LDLRAD3: variants seen among roughly 807,000 people sequenced by gnomAD.
The protein encoded by LDLRAD3 is low density lipoprotein receptor class A domain containing 3.
Under a neutral mutation model 29.4 loss-of-function variants are expected in LDLRAD3, and 20 were observed. That is an observed-to-expected ratio of 0.68 (90% CI 0.48 to 0.99). The LOEUF (loss-of-function observed/expected upper bound fraction) is 0.99. Among genes scored for constraint, LDLRAD3 ranks in the 50% least tolerant of loss-of-function variants. The pLI, the probability that LDLRAD3 is intolerant of heterozygous loss-of-function variation, is 0.00. For missense variants in LDLRAD3, 420 were observed against 454.3 expected, an observed-to-expected ratio of 0.92 and a Z score of 0.69; for synonymous variants, 157 against 192.7, an observed-to-expected ratio of 0.81 and a Z score of 1.53.
At position 36,149,661 on chromosome 11, in the gene LDLRAD3, C is replaced by T. The variant is rs557661658; in HGVS notation, c.454+51200C>T. On this transcript the variant is annotated intron_variant, in intron 4 of 5. Coordinates refer to ENST00000315571, the MANE Select transcript of LDLRAD3 (RefSeq NM_174902.4). ...GGTGGCCAGGGTCTGTGGCTCCCAG[C>T]GCTGTAGTGTCCTGCCACGTTTGTC... is the stretch of plus-strand genomic sequence containing the variant. Among the ~76,000 whole-genome samples the T allele has an allele frequency of 9.9e-5, 15 of 152,234 alleles. No individual in the cohort carries two copies. In the East Asian group the frequency reaches 2.5e-3, roughly 25 times the overall value.
chr11:35,967,686 T>G, intron 1 of LDLRAD3: 1 of 471,092 alleles, frequency 2.1e-6, no homozygotes, highest in Non-Finnish European at 4.2e-6. Context: ...CAAGGTTTCA[T>G]GTCCGGGTGC....
Position 35,944,204 on chromosome 11 carries a change from CA to C in LDLRAD3, c.46+61del. ...GGCGCGGGGCGCGGGGCGCGGGGCG[CA>C]GCGGCCGGGTGCGATCGCGTCCTCT... is the stretch of plus-strand genomic sequence containing the variant. On this transcript the variant is annotated intron_variant, in intron 1 of 5. Coordinates refer to ENST00000315571, the MANE Select transcript of LDLRAD3 (RefSeq NM_174902.4). The surrounding 1 kb of genome is among the most constrained non-coding windows in gnomAD (Gnocchi z 4.9). The C allele has an allele frequency of 2.0e-5, 19 of 948,014 alleles. No individual in the cohort carries two copies. The highest frequency in any genetic ancestry group is 4.7e-5 in the South Asian group (1 of 21,308). 58.7% of individuals were successfully genotyped at this position (948,014 alleles called of 1,614,324 possible).
intron 1 of LDLRAD3, among the ~76,000 whole-genome samples, chr11:35,954,761 A>C (rs1236855138): frequency 6.6e-6 from 1 of 152,174 alleles, no homozygotes; most frequent in Non-Finnish European, 1.5e-5. Flanking sequence ...GGCCTTTGAG[A>C]GGGCAATGTA....
chr11:36,155,819 C>T (rs10836509), intron 4 of LDLRAD3, among the ~76,000 whole-genome samples: 28,580 of 152,054 alleles, frequency 0.19, 2,960 homozygotes, highest in East Asian at 0.3. Flanking sequence ...GAGTGGGATG[C>T]GCCTATCTAG....
At chr11:35,989,744 CA>C (rs1184179975) in intron 1 of LDLRAD3, among the ~76,000 whole-genome samples, 4 of 152,106 alleles carry the variant, frequency 2.6e-5, no homozygotes, top group Non-Finnish European at 5.9e-5. Flanking sequence ...GATTTTTGTA[CA>C]TTGATTTTGT....
At chr11:36,144,893 G>A (rs1854154905) in intron 4 of LDLRAD3, among the ~76,000 whole-genome samples, 1 of 114,122 alleles carries the variant, frequency 8.8e-6, no homozygotes, top group African/African-American at 3.2e-5. Flanking sequence ...CCCCGTCCGG[G>A]AGGTGAGGGG....
At chr11:36,069,704 G>A (rs1484694787) in intron 2 of LDLRAD3, among the ~76,000 whole-genome samples, 4 of 151,266 alleles carry the variant, frequency 2.6e-5, no homozygotes, top group Non-Finnish European at 5.9e-5. Context: ...TGTTCATACT[G>A]ACCTCCTTTC....
chr11:36,159,432 G>T lies in LDLRAD3; in HGVS notation c.454+60971G>T, dbSNP rs545083242. On this transcript the variant is annotated intron_variant, in intron 4 of 5. Transcript: ENST00000315571. ...TGCGGTGAGCCGTGAGCACGCCACT[G>T]GACTCCAGCCTGAGCAACAGAGTCA... 4.6e-4 allele frequency among the ~76,000 whole-genome samples: 70 copies of T among 151,724 alleles called. 1 individual carries two copies. The highest frequency in any genetic ancestry group is 6.8e-3 in the Middle Eastern group (2 of 292).
At position 36,161,070 on chromosome 11, in the gene LDLRAD3, C is replaced by T. The variant is rs1485105706; in HGVS notation, c.454+62609C>T. ...TCAGCCTCCCAAAGTGCTGGGATTA[C>T]AGGCGTGAGCCACCGCGCCTGGCCA... On this transcript the variant is annotated intron_variant, in intron 4 of 5. Coordinates refer to ENST00000315571, the MANE Select transcript of LDLRAD3 (RefSeq NM_174902.4). Among the ~76,000 whole-genome samples, 4 of 152,214 alleles carry T rather than the reference C, an allele frequency of 2.6e-5. No homozygotes were observed. In the East Asian group the frequency reaches 7.7e-4, roughly 29 times the overall value.
chr11:36,023,513 C>T (rs1338622668), intron 1 of LDLRAD3, among the ~76,000 whole-genome samples: 1 of 152,162 alleles, frequency 6.6e-6, no homozygotes, highest in Non-Finnish European at 1.5e-5. Flanking sequence ...GGGTTTTAGT[C>T]TCTCTCTATT....
At chr11:35,999,769 G>A (rs1424280573) in intron 1 of LDLRAD3, among the ~76,000 whole-genome samples, 1 of 152,206 alleles carries the variant, frequency 6.6e-6, no homozygotes, top group East Asian at 1.9e-4. Context: ...GCCCCCTGTG[G>A]TGCTGTCAGC....
rs139663436 is a variant in LDLRAD3, at chr11:36,044,108, A to G, written c.193+7859A>G. On this transcript the variant is annotated intron_variant, in intron 2 of 5. Transcript: ENST00000315571. Reference sequence around the variant, plus strand: ...GGTTAAGAACAGGGGCTTTGGGCCCAGACAGTACTGAGTTCTTCCCCCAGC... The same window carrying G: ...GGTTAAGAACAGGGGCTTTGGGCCCGGACAGTACTGAGTTCTTCCCCCAGC... Among the ~76,000 whole-genome samples the G allele has an allele frequency of 2.0e-5, 3 of 152,344 alleles. No individual in the cohort carries two copies. The East Asian group carries it at 5.8e-4, about 29-fold the overall frequency.
At chr11:36,147,369 C>T (rs1020949068) in intron 4 of LDLRAD3, among the ~76,000 whole-genome samples, 35 of 151,764 alleles carry the variant, frequency 2.3e-4, no homozygotes, top group African/African-American at 8.0e-4. Flanking sequence ...CCACCCGCCT[C>T]GGCCTCCCAA....
chr11:36,187,263 A>C (rs1374879932), intron 4 of LDLRAD3, among the ~76,000 whole-genome samples: 1 of 152,212 alleles, frequency 6.6e-6, no homozygotes, highest in Non-Finnish European at 1.5e-5. Context: ...TAAAGTAAAA[A>C]GCAAAAGTTG....
chr11:36,088,515 A>T (rs1460495473), intron 3 of LDLRAD3, among the ~76,000 whole-genome samples: 3 of 152,142 alleles, frequency 2.0e-5, no homozygotes, highest in African/African-American at 4.8e-5. Flanking sequence ...TCTGAGTACC[A>T]CTGAATCATT....
At chr11:36,225,109 A>G (rs1855481603) in intron 4 of LDLRAD3, among the ~76,000 whole-genome samples, 1 of 152,138 alleles carries the variant, frequency 6.6e-6, no homozygotes. Flanking sequence ...GGATGGAGTA[A>G]AGCCCTTAGC....
At chr11:35,957,711 G>A (rs555966273) in intron 1 of LDLRAD3, among the ~76,000 whole-genome samples, 3 of 148,062 alleles carry the variant, frequency 2.0e-5, no homozygotes, top group African/African-American at 7.5e-5. Flanking sequence ...CAGAAGAATC[G>A]CTTGAACCCA....
At chr11:36,181,593 C>T (rs574250192) in intron 4 of LDLRAD3, among the ~76,000 whole-genome samples, 3 of 152,262 alleles carry the variant, frequency 2.0e-5, no homozygotes, top group South Asian at 4.2e-4. Context: ...CTCCGAAACG[C>T]CTCTGGCATC....
At chr11:35,954,771 A>G (rs1328351968) in intron 1 of LDLRAD3, among the ~76,000 whole-genome samples, 2 of 152,218 alleles carry the variant, frequency 1.3e-5, no homozygotes, top group South Asian at 2.1e-4. Context: ...AGGGCAATGT[A>G]TTATAGCAAT....
Sources: allele counts gnomAD v4.1 joint callset (sites outside exome capture counted in the v4.1 genomes callset), GRCh38; gene constraint gnomAD v4.1.1; non-coding constraint Gnocchi (gnomAD v3.1); transcripts MANE v1.5; gene names NCBI Gene and HGNC (gene_info 2026-07-23, HGNC 2026-07-21).